Variants in DLG2 observed in about 807,000 individuals in gnomAD.
The protein encoded by DLG2 is discs large MAGUK scaffold protein 2.
A neutral mutation model predicts 132.5 loss-of-function variants in DLG2; 45 were observed. That is an observed-to-expected ratio of 0.34 (90% CI 0.27 to 0.44). The LOEUF (loss-of-function observed/expected upper bound fraction) is 0.44. Ranked by LOEUF, DLG2 falls within the 20% of genes least tolerant of loss-of-function variation. The pLI is 1.00. For missense variants in DLG2, 1,045 were observed against 1,196.9 expected, an observed-to-expected ratio of 0.87 and a Z score of 1.87; for synonymous variants, 424 against 419.6, an observed-to-expected ratio of 1.01 and a Z score of -0.13.
chr11:84,521,653 A>G (rs2154516893), intron 7 of DLG2, among the ~76,000 whole-genome samples: 1 of 152,308 alleles, frequency 6.6e-6, no homozygotes, highest in South Asian at 2.1e-4. Flanking sequence ...GCAAGGTATC[A>G]TCTTGTATGA....
At chr11:85,209,348 C>A (rs2082101859) in intron 4 of DLG2, among the ~76,000 whole-genome samples, 1 of 149,328 alleles carries the variant, frequency 6.7e-6, no homozygotes, top group Non-Finnish European at 1.5e-5. Context: ...AGGGCTGGTA[C>A]AAGAAGGCAT....
intron 6 of DLG2, among the ~76,000 whole-genome samples, chr11:84,552,286 T>C (rs566990561): frequency 6.6e-6 from 1 of 152,302 alleles, no homozygotes; most frequent in African/African-American, 2.4e-5. Flanking sequence ...CTCTTGCTTC[T>C]TTCTACCCCA....
At position 83,547,564 on chromosome 11, in the gene DLG2, CA is replaced by C. The variant is rs1270103415; in HGVS notation, c.1941-5707del. Among the ~76,000 whole-genome samples, 3 of 152,168 alleles carry C rather than the reference CA, an allele frequency of 2.0e-5. No homozygotes were observed. In the East Asian group the frequency reaches 5.8e-4, roughly 29 times the overall value. On this transcript the variant is annotated intron_variant, in intron 19 of 27. Coordinates refer to ENST00000376104, the MANE Select transcript of DLG2 (RefSeq NM_001142699.3). ...AGCCAAGGAAAATGGTGGCCTTTTA[CA>C]AACTGGGAATGGTTATTAGGTTACA...
chr11:85,527,798 T>C (rs2074894155), intron 3 of DLG2, among the ~76,000 whole-genome samples: 1 of 152,214 alleles, frequency 6.6e-6, no homozygotes, highest in Non-Finnish European at 1.5e-5. Flanking sequence ...ATTGAACTAA[T>C]TTACACTCCC....
chr11:83,930,435 A>G lies in DLG2; in HGVS notation c.1389T>C (p.Pro463=), dbSNP rs1400759197. 6.2e-7 allele frequency: 1 copy of G among 1,614,112 alleles called. No homozygotes were observed. The change falls in exon 15 of 28, where the codon CCT becomes CCC. Residue 463 remains proline (P), a synonymous_variant. Transcript: ENST00000376104. ...YSTVNKLCDK[P]ASPRHYSPVE... Reference sequence around the variant, plus strand: ...CAGGGGAATAGTGCCTGGGAGAAGCAGGCTTATCACATAGTTTGTTCACAG... The same window carrying G: ...CAGGGGAATAGTGCCTGGGAGAAGCGGGCTTATCACATAGTTTGTTCACAG...
intron 3 of DLG2, among the ~76,000 whole-genome samples, chr11:85,561,422 A>T (rs1045391594): frequency 4.2e-4 from 63 of 150,774 alleles, no homozygotes; most frequent in African/African-American, 1.5e-3. Context: ...AATGACAAAA[A>T]TATTTTCAAA....
chr11:84,978,659 T>A (rs537328116), intron 6 of DLG2, among the ~76,000 whole-genome samples: 1 of 152,192 alleles, frequency 6.6e-6, no homozygotes, highest in Non-Finnish European at 1.5e-5. Flanking sequence ...TATACAAAAA[T>A]TAATTCAAGA....
At chr11:85,241,787 A>G (rs1307243244) in intron 4 of DLG2, among the ~76,000 whole-genome samples, 1 of 151,948 alleles carries the variant, frequency 6.6e-6, no homozygotes, top group African/African-American at 2.4e-5. Context: ...TGCATTAGAT[A>G]TGCTATGTGG....
intron 11 of DLG2, among the ~76,000 whole-genome samples, chr11:84,058,195 A>G (rs2096534704): frequency 6.6e-6 from 1 of 152,150 alleles, no homozygotes; most frequent in African/African-American, 2.4e-5. Context: ...TTTTAAAGAA[A>G]TGAGAAATGA....
chr11:84,482,910 G>A (rs1603023862), intron 7 of DLG2, among the ~76,000 whole-genome samples: 2 of 152,120 alleles, frequency 1.3e-5, no homozygotes, highest in East Asian at 1.9e-4. Flanking sequence ...TCTCTGATTT[G>A]GGGAAAATAT....
chr11:84,178,271 T>C (rs368133949), intron 8 of DLG2, among the ~76,000 whole-genome samples: 9 of 152,138 alleles, frequency 5.9e-5, no homozygotes, highest in East Asian at 5.8e-4. Flanking sequence ...AAAATGGAAG[T>C]AGTCTAAGGT....
intron 17 of DLG2, among the ~76,000 whole-genome samples, chr11:83,793,195 C>A (rs2042013100): frequency 6.6e-6 from 1 of 152,066 alleles, no homozygotes; most frequent in Non-Finnish European, 1.5e-5. Context: ...GTAACTATTA[C>A]AAATATTCTT....
chr11:84,513,173 A>G (rs2099262149), intron 7 of DLG2, among the ~76,000 whole-genome samples: 1 of 152,112 alleles, frequency 6.6e-6, no homozygotes, highest in African/African-American at 2.4e-5. Context: ...AATAAATTAA[A>G]AGAAATTGAA....
chr11:85,178,919 T>C (rs913580517), intron 4 of DLG2, among the ~76,000 whole-genome samples: 1 of 151,680 alleles, frequency 6.6e-6, no homozygotes, highest in Non-Finnish European at 1.5e-5. Flanking sequence ...GAAAGGAGGA[T>C]GAAGAGAACG....
intron 6 of DLG2, among the ~76,000 whole-genome samples, chr11:84,766,964 T>A (rs1169730179): frequency 2.6e-5 from 4 of 152,140 alleles, no homozygotes; most frequent in Non-Finnish European, 5.9e-5. Flanking sequence ...TCTCACTATG[T>A]AAAACATTGG....
chr11:83,764,894 G>T (rs771706729), intron 18 of DLG2, among the ~76,000 whole-genome samples: 4 of 152,156 alleles, frequency 2.6e-5, no homozygotes. Flanking sequence ...AGACAAACTC[G>T]GCTCTCAGGC....
intron 3 of DLG2, among the ~76,000 whole-genome samples, chr11:85,309,980 G>A (rs2080211433): frequency 6.6e-6 from 1 of 152,170 alleles, no homozygotes; most frequent in African/African-American, 2.4e-5. Context: ...GTACATAGCA[G>A]TCTCTCAGAT....
intron 7 of DLG2, among the ~76,000 whole-genome samples, chr11:84,313,637 G>GAAAA (rs2098319823): frequency 6.0e-5 from 5 of 83,202 alleles, no homozygotes; most frequent in African/African-American, 1.9e-4. Context: ...AAAGGAAAGA[G>GAAAA]AGAAAAAGAA....
intron 12 of DLG2, among the ~76,000 whole-genome samples, chr11:83,972,322 CT>C (rs1350946849): frequency 2.0e-5 from 3 of 151,942 alleles, no homozygotes; most frequent in African/African-American, 7.2e-5. Context: ...GGGAATTATA[CT>C]TATTTGTAGA....
Sources: gnomAD v4.1 joint callset for allele counts (sites outside exome capture counted in the v4.1 genomes callset) on GRCh38, gnomAD v4.1.1 for gene constraint, MANE v1.5 for transcripts, NCBI Gene and HGNC (gene_info 2026-07-23, HGNC 2026-07-21) for gene names.